The following BIN1 variants were observed in gnomAD, a reference collection of about 807,000 sequenced individuals.
BIN1 encodes the protein myc box-dependent-interacting protein 1.
In BIN1, 53 loss-of-function variants were observed where a neutral mutation model predicts 82.0. The ratio of observed to expected loss-of-function variants is 0.65; its 90% confidence interval spans 0.52 to 0.81. The LOEUF is 0.81. Ranked by LOEUF, BIN1 falls within the 40% of genes least tolerant of loss-of-function variation. BIN1 has a pLI of 0.00. For missense variants in BIN1, 642 were observed against 784.4 expected (o/e 0.82, Z 2.17); for synonymous variants, 302 against 328.0 (o/e 0.92, Z 0.86).
chr2:127,104,477 C>T (rs1348565656), intron 1 of BIN1, among the ~76,000 whole-genome samples: 2 of 152,130 alleles, frequency 1.3e-5, no homozygotes, highest in South Asian at 4.1e-4. Flanking sequence ...ATGCAAGATA[C>T]GGGCCCTTCT....
chr2:127,068,621 C>T lies in BIN1; in HGVS notation c.519+303G>A, dbSNP rs938694502. ...CTGGGATCGCGTGACGAATTCCACCCGGCTCGCCAGGCAGGGCGGCGCCGT... is the reference window on the plus strand; with the variant it reads ...CTGGGATCGCGTGACGAATTCCACCTGGCTCGCCAGGCAGGGCGGCGCCGT... On this transcript the variant is annotated intron_variant, in intron 6 of 18. Transcript: ENST00000316724. The surrounding 1 kb of genome is among the most constrained non-coding windows in gnomAD (Gnocchi z 4.9). Among the ~76,000 whole-genome samples the T allele has an allele frequency of 1.3e-5, 2 of 152,194 alleles. No individual in the cohort carries two copies. Among genetic ancestry groups the T allele is most frequent in the Admixed American group, 6.5e-5 (1 of 15,292 alleles).
chr2:127,092,086 C>T (rs1679009663), intron 1 of BIN1, among the ~76,000 whole-genome samples: 2 of 152,038 alleles, frequency 1.3e-5, no homozygotes, highest in South Asian at 2.1e-4. Flanking sequence ...CCCTACCCCA[C>T]ATACCACCCT....
chr2:127,073,076 C>T (rs1247253096), intron 2 of BIN1, among the ~76,000 whole-genome samples: 1 of 152,238 alleles, frequency 6.6e-6, no homozygotes, highest in Non-Finnish European at 1.5e-5. Flanking sequence ...CTCCCCCGGG[C>T]TTCAGGCCGT....
Position 127,107,101 on chromosome 2 carries a change from G to A in BIN1, c.-158C>T. On this transcript the variant is annotated 5_prime_UTR_variant, in exon 1 of 19. Transcript: ENST00000316724. The surrounding 1 kb of genome is among the most constrained non-coding windows in gnomAD (Gnocchi z 5.9). ...GCCAACTGACGGAGGCGGAGCGTGC[G>A]CCGGACGGGCGAGCGAGCCAGCGAG... The A allele has an allele frequency of 2.6e-6, 2 of 766,762 alleles. No homozygotes were observed. The highest frequency in any genetic ancestry group is 3.6e-6 in the Non-Finnish European group (2 of 551,080). The allele number at this position is 766,762 out of a possible 1,614,324, so 47.5% of individuals were successfully genotyped here.
chr2:127,096,993 C>T (rs527366229), intron 1 of BIN1, among the ~76,000 whole-genome samples: 2 of 152,174 alleles, frequency 1.3e-5, no homozygotes, highest in Non-Finnish European at 2.9e-5. Flanking sequence ...GGAAACCCCT[C>T]GCTGCCAGAC....
At chr2:127,066,419 AG>A (rs1175841610) in intron 7 of BIN1, among the ~76,000 whole-genome samples, 1 of 152,240 alleles carries the variant, frequency 6.6e-6, no homozygotes, top group African/African-American at 2.4e-5. Context: ...CACCTGTCCC[AG>A]GAGCCCAAAA....
intron 1 of BIN1, chr2:127,081,791 A>C: frequency 7.8e-7 from 1 of 1,284,062 alleles, no homozygotes; most frequent in Non-Finnish European, 1.0e-6. Flanking sequence ...GGCACCCACC[A>C]CCCAGCTGCT....
intron 14 of BIN1, chr2:127,052,732 A>G: frequency 3.3e-6 from 1 of 302,414 alleles, no homozygotes; most frequent in South Asian, 4.0e-5. Context: ...GCGCCTGCAC[A>G]CCCGCCTGCC....
At chr2:127,078,193 A>C (rs56173738) in intron 1 of BIN1, among the ~76,000 whole-genome samples, 24,684 of 146,634 alleles carry the variant, frequency 0.17, 2,084 homozygotes, top group South Asian at 0.26. Context: ...TTCCCCCCCC[A>C]GCCAGGCCCA....
chr2:127,085,247 C>T (rs763261868), intron 1 of BIN1, among the ~76,000 whole-genome samples: 4 of 152,120 alleles, frequency 2.6e-5, no homozygotes, highest in South Asian at 2.1e-4. Context: ...CCAGGGGCAC[C>T]GGGAAGTGAG....
intron 15 of BIN1, among the ~76,000 whole-genome samples, 177 bp from the exon 16 acceptor site, chr2:127,051,420 C>A (rs2104869917): frequency 6.6e-6 from 1 of 152,316 alleles, no homozygotes; most frequent in East Asian, 1.9e-4. Flanking sequence ...GCTGGACAAG[C>A]TGGGCCCTGG....
At chr2:127,053,737 C>A (rs960451815) in intron 13 of BIN1, 168 bp downstream of exon 13, 6 of 731,822 alleles carry the variant, frequency 8.2e-6, no homozygotes, top group Non-Finnish European at 1.4e-5. Context: ...TGATCAGGGG[C>A]TGCTTCCTGC....
chr2:127,076,595 C>T (rs770209455), intron 2 of BIN1, 31 bp downstream of exon 2: 1 of 1,613,780 alleles, frequency 6.2e-7, no homozygotes, highest in East Asian at 2.2e-5. Flanking sequence ...TTTTCACAAA[C>T]TCCCTAAGGC....
Position 127,048,470 on chromosome 2 carries a change from A to G in BIN1, c.*56T>C. The G allele has an allele frequency of 3.3e-6, 5 of 1,503,314 alleles. No homozygotes were observed. Among genetic ancestry groups the G allele is most frequent in the Non-Finnish European group, 4.6e-6 (5 of 1,081,664 alleles). The allele number at this position is 1,503,314 out of a possible 1,614,324, so 93.1% of individuals were successfully genotyped here. On this transcript the variant is annotated 3_prime_UTR_variant, in exon 19 of 19. Transcript: ENST00000316724. ...AAAACAAAACAAAAAAAAGAACCAC[A>G]CATTTTTCGGGAGGAGGTGTTCTTC...
chr2:127,063,290 C>T (rs1420940492), intron 9 of BIN1, among the ~76,000 whole-genome samples: 3 of 152,206 alleles, frequency 2.0e-5, no homozygotes, highest in Admixed American at 6.5e-5. Context: ...TGCTAGAGAA[C>T]ACATTCACAG....
chr2:127,053,373 G>A (rs768268793), intron 14 of BIN1, 49 bp downstream of exon 14: 6 of 1,611,930 alleles, frequency 3.7e-6, no homozygotes, highest in East Asian at 2.2e-5. Context: ...GACACATACG[G>A]AAGAGTGGCT....
chr2:127,081,960 C>T, intron 1 of BIN1: 1 of 1,164,798 alleles, frequency 8.6e-7, no homozygotes, highest in South Asian at 1.4e-5. Flanking sequence ...CACCCTCGTG[C>T]CCCGGCGTTC....
At chr2:127,091,234 G>A (rs1031012910) in intron 1 of BIN1, among the ~76,000 whole-genome samples, 5 of 151,052 alleles carry the variant, frequency 3.3e-5, no homozygotes, top group Admixed American at 2.0e-4. Context: ...GGCACCCCAC[G>A]CAGCACAGTA....
At position 127,068,199 on chromosome 2, in the gene BIN1, A is replaced by G; in HGVS notation, c.576T>C (p.Ala192=). Residue 192 remains alanine, a synonymous_variant, in exon 7 of 19, where the codon GCT becomes GCC. Transcript: ENST00000316724. This position sits in a 1 kb window ranked among gnomAD's most constrained non-coding sequence, Gnocchi z 4.9. ...GCAGGTTAGTTTGAGCTACGAGATGAGCCTGCAGTTTGCCTTGGCACCACT... is the reference window on the plus strand; with the variant it reads ...GCAGGTTAGTTTGAGCTACGAGATGGGCCTGCAGTTTGCCTTGGCACCACT... The part of the protein sequence containing the change: ...APQWCQGKLQ[A]HLVAQTNLLR... The G allele has an allele frequency of 6.2e-7, 1 of 1,613,838 alleles. No individual in the cohort carries two copies. Among genetic ancestry groups the G allele is most frequent in the Non-Finnish European group, 8.5e-7 (1 of 1,179,980 alleles).
Sources: gnomAD v4.1 joint callset for allele counts (sites outside exome capture counted in the v4.1 genomes callset) on GRCh38, gnomAD v4.1.1 for gene constraint, Gnocchi (gnomAD v3.1) non-coding constraint, MANE v1.5 for transcripts, NCBI Gene and HGNC (gene_info 2026-07-23, HGNC 2026-07-21) for gene names.